RET: variants seen among roughly 807,000 people sequenced by gnomAD.
RET encodes the protein proto-oncogene tyrosine-protein kinase receptor Ret.
Under a neutral mutation model 118.3 loss-of-function variants are expected in RET, and 19 were observed. That is an observed-to-expected ratio of 0.16 (90% CI 0.11 to 0.24). The LOEUF (loss-of-function observed/expected upper bound fraction) is 0.24, where lower values mean the gene tolerates loss of function less well. Among genes scored for constraint, RET ranks in the 10% least tolerant of loss-of-function variants. The pLI is 1.00. For missense variants in RET, 1,219 were observed against 1,502.1 expected, an observed-to-expected ratio of 0.81 and a Z score of 3.12; for synonymous variants, 597 against 644.1, an observed-to-expected ratio of 0.93 and a Z score of 1.11.
chr10:43,104,052 A>G (rs2246676), intron 3 of RET, among the ~76,000 whole-genome samples: 58,583 of 152,148 alleles, frequency 0.39, 11,559 homozygotes, highest in South Asian at 0.51. Flanking sequence ...GCGAGCTGCC[A>G]TGCAGGGCAC....
intron 12 of RET, 39 bp from the exon 13 acceptor site, chr10:43,118,334 G>A (rs764111495): frequency 6.6e-7 from 1 of 1,525,890 alleles, no homozygotes. Context: ...GGGGCTTCCA[G>A]GAGCGATCGT....
intron 3 of RET, among the ~76,000 whole-genome samples, chr10:43,103,384 G>C (rs139256388): frequency 4.3e-4 from 65 of 152,284 alleles, no homozygotes; most frequent in African/African-American, 1.5e-3. Flanking sequence ...GATGTGGGGT[G>C]TGATGCCGGG....
chr10:43,114,812 G>C lies in RET; in HGVS notation c.2136+76G>C, dbSNP rs1170280477. 1 of 1,481,414 alleles carries C rather than the reference G, an allele frequency of 6.8e-7. No individual in the cohort carries two copies. The highest frequency in any genetic ancestry group is 2.5e-5 in the East Asian group (1 of 40,722). 91.8% of individuals were successfully genotyped at this position (1,481,414 alleles called of 1,614,324 possible). A position where few individuals can be genotyped will look rare whatever the true frequency, so the allele number is the denominator to read the frequency against. On this transcript the variant is annotated intron_variant, in intron 11 of 19. Coordinates refer to ENST00000355710, the MANE Select transcript of RET (RefSeq NM_020975.6). The surrounding 1 kb of genome is among the most constrained non-coding windows in gnomAD (Gnocchi z 4.6). ...TCCAGGGAGGGAGGCCAGCTGGGGAGACAGAGGCCATCCTGTGAGGGGCTG... is the reference window on the plus strand; with the variant it reads ...TCCAGGGAGGGAGGCCAGCTGGGGACACAGAGGCCATCCTGTGAGGGGCTG...
rs879461597 is a variant in RET, at chr10:43,129,402, G to C, written c.*1133G>C. The C allele has an allele frequency of 4.3e-6, 1 of 233,718 alleles. No individual in the cohort carries two copies. The highest frequency in any genetic ancestry group is 8.5e-6 in the Non-Finnish European group (1 of 118,060). 14.5% of individuals were successfully genotyped at this position (233,718 alleles called of 1,614,324 possible). A position where few individuals can be genotyped will look rare whatever the true frequency, so the allele number is the denominator to read the frequency against. ...ATAGAGCCTGTGTGAAAGGCCCATGGATCAGCTCTTCCTGTGTTTGTAATT... is the reference window on the plus strand; with the variant it reads ...ATAGAGCCTGTGTGAAAGGCCCATGCATCAGCTCTTCCTGTGTTTGTAATT... On this transcript the variant is annotated 3_prime_UTR_variant, in exon 20 of 20. Coordinates refer to ENST00000355710, the MANE Select transcript of RET (RefSeq NM_020975.6).
chr10:43,100,388 ATT>A (rs57003029), intron 1 of RET, 69 bp from the exon 2 acceptor site: 19,969 of 1,378,694 alleles, frequency 0.014, no homozygotes, highest in Non-Finnish European at 0.017. Flanking sequence ...TAAATTAATG[ATT>A]TTTTTTTTTT....
rs1799939 is a variant in RET, at chr10:43,114,671, G to A, written c.2071G>A (p.Gly691Ser). The change falls in exon 11 of 20, where the codon GGT becomes AGT. Residue 691 changes from glycine (G) to serine (S), a missense_variant. Coordinates refer to ENST00000355710, the MANE Select transcript of RET (RefSeq NM_020975.6). The surrounding 1 kb of genome is among the most constrained non-coding windows in gnomAD (Gnocchi z 4.6). ...CTTCCCGGTCAGCTACTCCTCTTCC[G>A]GTGCCCGCCGGCCCTCGCTGGACTC... ...QAFPVSYSSS[G>S]ARRPSLDSME... The A allele has an allele frequency of 0.18, 296,249 of 1,612,242 alleles. 29,287 individuals carry two copies. The highest frequency in any genetic ancestry group is 0.32 in the Admixed American group (18,925 of 59,988).
chr10:43,095,513 G>A (rs147915143), intron 1 of RET, among the ~76,000 whole-genome samples: 2 of 152,240 alleles, frequency 1.3e-5, no homozygotes, highest in Non-Finnish European at 2.9e-5. Context: ...GTGTGTGCAC[G>A]CGCACATGTG....
Position 43,102,383 on chromosome 10 carries a change from C to A in RET, c.379C>A (p.Leu127Met), listed in dbSNP as rs1180613732. 9.3e-6 allele frequency: 15 copies of A among 1,614,140 alleles called. No individual in the cohort carries two copies. The highest frequency in any genetic ancestry group is 1.2e-5 in the Non-Finnish European group (14 of 1,180,056). The change falls in exon 3 of 20, where the codon CTG becomes ATG. Residue 127 changes from leucine (L) to methionine (M), a missense_variant. Leu to Met is a conservative substitution (Grantham distance 15, BLOSUM62 2). This residue lies in a region of RET where 84 missense variants were observed against 163.6 expected (regional missense o/e 0.51). Transcript: ENST00000355710. ...PLLTVYLKVF[L>M]SPTSLREGEC... The stretch of plus-strand genomic sequence containing the variant: ...GCTCACCGTCTACCTCAAGGTCTTC[C>A]TGTCACCCACATCCCTTCGTGAGGG...
At chr10:43,085,854 C>T (rs78833489) in intron 1 of RET, among the ~76,000 whole-genome samples, 1 of 152,140 alleles carries the variant, frequency 6.6e-6, no homozygotes, top group Non-Finnish European at 1.5e-5. Context: ...GGTGGTGCCC[C>T]CGCATCGGGC....
chr10:43,126,852 T>C, intron 19 of RET, 130 bp downstream of exon 19: 12 of 1,479,536 alleles, frequency 8.1e-6, no homozygotes, highest in Non-Finnish European at 1.1e-5. Context: ...ACCTTTTTAT[T>C]TGTAAATGTC....
chr10:43,116,548 C>A (rs1158509495), intron 11 of RET, 36 bp from the exon 12 acceptor site: 1 of 1,611,516 alleles, frequency 6.2e-7, no homozygotes, highest in Non-Finnish European at 8.5e-7. Flanking sequence ...CACACTTTTC[C>A]CCCCTCTTCT....
In RET at chr10:43,114,596, A is replaced by C. The variant is rs143795581; in HGVS notation, c.1996A>C (p.Lys666Gln). ...CIHCYHKFAH[K>Q]PPISSAEMTF... ...CCACTGCTACCACAAGTTTGCCCAC[A>C]AGCCACCCATCTCCTCAGCTGAGAT... The change falls in exon 11 of 20, where the codon AAG becomes CAG. Residue 666 changes from lysine to glutamine, a missense_variant. Lys to Gln is a moderately conservative substitution (Grantham distance 53). Transcript: ENST00000355710. This position sits in a 1 kb window ranked among gnomAD's most constrained non-coding sequence, Gnocchi z 4.6. The C allele has an allele frequency of 1.9e-6, 3 of 1,612,198 alleles. No individual in the cohort carries two copies. Among genetic ancestry groups the C allele is most frequent in the Admixed American group, 3.3e-5 (2 of 59,974 alleles).
intron 1 of RET, among the ~76,000 whole-genome samples, chr10:43,098,542 C>G (rs1837570452): frequency 6.6e-6 from 1 of 151,830 alleles, no homozygotes; most frequent in South Asian, 2.1e-4. Flanking sequence ...CTGGCTTAGC[C>G]TCTCAAGTAG....
chr10:43,090,522 C>T (rs2132588634), intron 1 of RET, among the ~76,000 whole-genome samples: 1 of 152,184 alleles, frequency 6.6e-6, no homozygotes, highest in South Asian at 2.1e-4. Context: ...TAAGCCTTGT[C>T]CTCCTGGGGG....
At chr10:43,121,923 T>C (rs1425560213) in intron 15 of RET, 23 bp from the exon 16 acceptor site, 3 of 1,587,698 alleles carry the variant, frequency 1.9e-6, no homozygotes, top group South Asian at 2.2e-5. Flanking sequence ...AACTTCAATG[T>C]CTTTATTCCA....
chr10:43,099,467 C>T (rs2132647606), intron 1 of RET, among the ~76,000 whole-genome samples: 1 of 151,868 alleles, frequency 6.6e-6, no homozygotes, highest in East Asian at 1.9e-4. Context: ...GCCAAGATTG[C>T]ACCATTGCAT....
rs201101792 is a variant in RET at position 43,119,681 on chromosome 10, T to C, written c.2543T>C (p.Met848Thr). Residue 848 changes from methionine to threonine, a missense_variant, in exon 14 of 20, where the codon ATG becomes ACG. Transcript: ENST00000355710. The stretch of plus-strand genomic sequence containing the variant: ...CACCCGGATGAGCGGGCCCTCACCA[T>C]GGGCGACCTCATCTCATTTGCCTGG... Reference protein sequence around the residue: ...LDHPDERALTMGDLISFAWQI... With the variant: ...LDHPDERALTTGDLISFAWQI... 2.5e-6 allele frequency: 4 copies of C among 1,613,510 alleles called. No homozygotes were observed. Among genetic ancestry groups the C allele is most frequent in the Non-Finnish European group, 3.4e-6 (4 of 1,179,942 alleles).
chr10:43,078,611 T>G (rs1837108204), intron 1 of RET, among the ~76,000 whole-genome samples: 1 of 152,212 alleles, frequency 6.6e-6, no homozygotes, highest in South Asian at 2.1e-4. Flanking sequence ...GCTCTGACGC[T>G]GTCTTGGGAT....
intron 15 of RET, among the ~76,000 whole-genome samples, chr10:43,121,743 G>T (rs373249797): frequency 3.5e-4 from 53 of 152,278 alleles, no homozygotes; most frequent in African/African-American, 1.2e-3. Flanking sequence ...GCTGACTCCC[G>T]CCAGCATCTC....
Sources: gnomAD v4.1 joint callset for allele counts (sites outside exome capture counted in the v4.1 genomes callset) on GRCh38, gnomAD v4.1.1 for gene constraint, gnomAD v4.1.1 regional missense constraint, Gnocchi (gnomAD v3.1) non-coding constraint, MANE v1.5 for transcripts, NCBI Gene and HGNC (gene_info 2026-07-23, HGNC 2026-07-21) for gene names.